CDH23: variants seen among roughly 807,000 people sequenced by gnomAD.
CDH23 encodes the protein cadherin-23.
Under a neutral mutation model 317.1 loss-of-function variants are expected in CDH23, and 189 were observed. The ratio of observed to expected loss-of-function variants is 0.60; its 90% confidence interval spans 0.53 to 0.67. CDH23 has a LOEUF of 0.67. CDH23 is among the 30% of genes least tolerant of loss of function. The pLI is 0.00. For synonymous variants in CDH23, 1,839 were observed against 1,876.8 expected (o/e 0.98, Z 0.52); for missense variants, 4,401 against 4,592.4 (o/e 0.96, Z 1.20).
intron 55 of CDH23, among the ~76,000 whole-genome samples, chr10:71,804,865 G>A (rs946452245): frequency 4.6e-5 from 7 of 152,120 alleles, no homozygotes; most frequent in Admixed American, 2.6e-4. Context: ...TTTGTGGAAT[G>A]AGGCAGGGTA....
chr10:71,570,448 G>A (rs1221811183), intron 7 of CDH23, among the ~76,000 whole-genome samples: 3 of 152,178 alleles, frequency 2.0e-5, no homozygotes, highest in Admixed American at 1.3e-4. Context: ...TCCCACCACC[G>A]GATGTCCAAG....
At chr10:71,473,198 G>A (rs1589114915) in intron 3 of CDH23, among the ~76,000 whole-genome samples, 1 of 152,238 alleles carries the variant, frequency 6.6e-6, no homozygotes, top group African/African-American at 2.4e-5. Context: ...TGCTCCCGGA[G>A]TCTTCCCTAC....
At chr10:71,401,779 G>C (rs1446907396) in intron 1 of CDH23, among the ~76,000 whole-genome samples, 1 of 152,186 alleles carries the variant, frequency 6.6e-6, no homozygotes, top group Non-Finnish European at 1.5e-5. Flanking sequence ...AATGACTGGG[G>C]CACAGGGGTG....
At chr10:71,752,995 C>T (rs1211670957) in intron 38 of CDH23, 1 of 1,613,018 alleles carries the variant, frequency 6.2e-7, no homozygotes, top group Non-Finnish European at 8.5e-7. Flanking sequence ...GCACCAGCTC[C>T]TGGGCACCTA....
At chr10:71,404,805 C>A (rs1227048341) in intron 1 of CDH23, among the ~76,000 whole-genome samples, 1 of 152,230 alleles carries the variant, frequency 6.6e-6, no homozygotes, top group Non-Finnish European at 1.5e-5. Flanking sequence ...GGAGATGCAT[C>A]TTCCTTGAGG....
Position 71,734,644 on chromosome 10 carries a change from C to A in CDH23, c.4207-12C>A, listed in dbSNP as rs1292337435. On this transcript the variant is annotated splice_polypyrimidine_tract_variant and intron_variant, in intron 33 of 69. Coordinates refer to ENST00000224721, the MANE Select transcript of CDH23 (RefSeq NM_022124.6). ...TCTCTCACTCCCCTCCTGCTGCTGC[C>A]TCTGCCTACAGAAGGTGAGTAGCCT... is the stretch of plus-strand genomic sequence containing the variant. 5.4e-6 allele frequency: 8 copies of A among 1,490,820 alleles called. No homozygotes were observed. Among genetic ancestry groups the A allele is most frequent in the Non-Finnish European group, 7.3e-6 (8 of 1,100,996 alleles). 92.3% of individuals were successfully genotyped at this position (1,490,820 alleles called of 1,614,324 possible).
intron 11 of CDH23, among the ~76,000 whole-genome samples, chr10:71,625,574 T>C (rs1337068825): frequency 3.3e-5 from 5 of 152,106 alleles, no homozygotes; most frequent in African/African-American, 9.7e-5. Flanking sequence ...CCATTCCACA[T>C]GTGTTCCAGG....
chr10:71,801,452 C>A (rs1317572928), intron 53 of CDH23, among the ~76,000 whole-genome samples: 3 of 152,032 alleles, frequency 2.0e-5, no homozygotes, highest in African/African-American at 7.2e-5. Flanking sequence ...CCGAGCCCGG[C>A]CTATTTATGT....
At chr10:71,420,481 G>T (rs1848737857) in intron 1 of CDH23, among the ~76,000 whole-genome samples, 3 of 142,736 alleles carry the variant, frequency 2.1e-5, no homozygotes, top group Non-Finnish European at 3.1e-5. Flanking sequence ...TGATGATGAT[G>T]GTGATGGTGA....
intron 7 of CDH23, among the ~76,000 whole-genome samples, chr10:71,569,896 A>ATT (rs5786043): frequency 1.3e-5 from 2 of 150,568 alleles, no homozygotes; most frequent in Non-Finnish European, 3.0e-5. Flanking sequence ...TTAAAAAAAA[A>ATT]TTTTTTTTTT....
chr10:71,583,479 T>C (rs931518334), intron 9 of CDH23, among the ~76,000 whole-genome samples: 1 of 151,460 alleles, frequency 6.6e-6, no homozygotes, highest in African/African-American at 2.4e-5. Context: ...AGGGAAGAGG[T>C]TGGGGTGTCC....
At chr10:71,481,681 A>G (rs949669618) in intron 3 of CDH23, among the ~76,000 whole-genome samples, 29 of 152,208 alleles carry the variant, frequency 1.9e-4, no homozygotes, top group Middle Eastern at 3.2e-3. Flanking sequence ...AAATTACTGG[A>G]CGTGGCAAAT....
intron 49 of CDH23, among the ~76,000 whole-genome samples, chr10:71,797,708 G>A (rs572399195): frequency 6.6e-6 from 1 of 152,308 alleles, no homozygotes; most frequent in South Asian, 2.1e-4. Flanking sequence ...GGTGGAGAAC[G>A]GAGGGGCCCA....
chr10:71,625,391 T>A (rs377142112), intron 11 of CDH23, among the ~76,000 whole-genome samples: 10 of 17,766 alleles, frequency 5.6e-4, no homozygotes, highest in East Asian at 1.2e-3. Flanking sequence ...CATCACCAAA[T>A]AAATTAAAAA....
chr10:71,712,859 C>T (rs759437235), intron 28 of CDH23, 46 bp downstream of exon 28: 36 of 1,591,630 alleles, frequency 2.3e-5, no homozygotes, highest in Admixed American at 5.3e-5. Flanking sequence ...CTGGGGGAGG[C>T]GGAGCCACAC....
At chr10:71,784,201 T>C in intron 41 of CDH23, 86 bp from the exon 42 acceptor site, 1 of 1,451,428 alleles carries the variant, frequency 6.9e-7, no homozygotes, top group South Asian at 1.4e-5. Flanking sequence ...CGAGTGAGGC[T>C]TGCTAGAGGA....
At chr10:71,633,873 G>T (rs905643215) in intron 11 of CDH23, among the ~76,000 whole-genome samples, 2 of 152,174 alleles carry the variant, frequency 1.3e-5, no homozygotes, top group Non-Finnish European at 2.9e-5. Context: ...ACCCAACCAT[G>T]CAGGAAAGGT....
chr10:71,539,691 C>T (rs551819232), intron 6 of CDH23, among the ~76,000 whole-genome samples: 2 of 151,878 alleles, frequency 1.3e-5, no homozygotes, highest in Admixed American at 6.6e-5. Context: ...CTCCACTCTA[C>T]TTCTTTGCTC....
chr10:71,692,253 A>G (rs141186976), intron 20 of CDH23, among the ~76,000 whole-genome samples: 3 of 152,282 alleles, frequency 2.0e-5, no homozygotes, highest in African/African-American at 4.8e-5. Context: ...GCGCCATTAT[A>G]TGAGTAGCTC....
Sources: allele counts gnomAD v4.1 joint callset (sites outside exome capture counted in the v4.1 genomes callset), GRCh38; gene constraint gnomAD v4.1.1; transcripts MANE v1.5; gene names NCBI Gene and HGNC (gene_info 2026-07-23, HGNC 2026-07-21).